The following NCAM2 variants were observed in gnomAD, a reference collection of about 807,000 sequenced individuals.
The protein encoded by NCAM2 is neural cell adhesion molecule 2.
NCAM2 carries 30 observed loss-of-function variants against 98.1 expected under a neutral mutation model. The ratio of observed to expected loss-of-function variants is 0.31; its 90% CI spans 0.23 to 0.41. The LOEUF is 0.41. Among genes scored for constraint, NCAM2 ranks in the 10% least tolerant of loss-of-function variants. The probability of loss-of-function intolerance (pLI) is 1.00; values close to 1 mark genes in which losing one functional copy is unlikely to be tolerated. For missense variants in NCAM2, 867 were observed against 1,005.8 expected (o/e 0.86, Z 1.87); for synonymous variants, 368 against 342.4 (o/e 1.07, Z -0.83).
chr21:21,164,146 T>C (rs2067878205), intron 1 of NCAM2, among the ~76,000 whole-genome samples: 1 of 152,192 alleles, frequency 6.6e-6, no homozygotes, highest in South Asian at 2.1e-4. Flanking sequence ...GTAGCATCCC[T>C]GATCATCCTT....
At chr21:21,136,760 C>G (rs188422747) in intron 1 of NCAM2, among the ~76,000 whole-genome samples, 444 of 151,944 alleles carry the variant, frequency 2.9e-3, no homozygotes, top group Non-Finnish European at 4.2e-3. Context: ...GAGCCCGGCC[C>G]ATTTTATCTC....
chr21:21,401,850 A>T (rs2076637661), intron 9 of NCAM2, among the ~76,000 whole-genome samples: 5 of 152,206 alleles, frequency 3.3e-5, no homozygotes, highest in Admixed American at 3.3e-4. Context: ...TTGTTGCAGG[A>T]AGTCAGGGAC....
chr21:21,479,432 A>C (rs1034045828), intron 15 of NCAM2, among the ~76,000 whole-genome samples: 1 of 151,108 alleles, frequency 6.6e-6, no homozygotes. Context: ...AAACAGAAAA[A>C]AATTAGCCGG....
chr21:21,127,504 AT>A (rs1475701377), intron 1 of NCAM2, among the ~76,000 whole-genome samples: 1 of 151,988 alleles, frequency 6.6e-6, no homozygotes, highest in Non-Finnish European at 1.5e-5. Context: ...ATCTACTATA[AT>A]TTCTCTGTAA....
At chr21:21,425,657 G>A (rs112577590) in intron 11 of NCAM2, among the ~76,000 whole-genome samples, 2,757 of 151,184 alleles carry the variant, frequency 0.018, 94 homozygotes, top group African/African-American at 0.064. Context: ...AAAAAAAAAT[G>A]AAAGAAATTT....
chr21:21,509,479 T>C (rs1460079), intron 16 of NCAM2, among the ~76,000 whole-genome samples: 23,223 of 152,128 alleles, frequency 0.15, 2,822 homozygotes, highest in African/African-American at 0.33. Context: ...TGGCAACTTC[T>C]ACAAACGTAA....
intron 11 of NCAM2, among the ~76,000 whole-genome samples, chr21:21,430,907 G>A (rs530145582): frequency 2.4e-4 from 37 of 151,830 alleles, no homozygotes; most frequent in East Asian, 1.6e-3. Context: ...TTAGCTGGGC[G>A]TGGTGGTGCG....
chr21:21,349,412 C>G (rs1428317877), intron 8 of NCAM2, among the ~76,000 whole-genome samples: 4 of 151,912 alleles, frequency 2.6e-5, no homozygotes, highest in African/African-American at 9.7e-5. Context: ...GGCTTATATC[C>G]AGAAACTATG....
At chr21:21,096,136 G>T (rs1380882889) in intron 1 of NCAM2, among the ~76,000 whole-genome samples, 1 of 151,558 alleles carries the variant, frequency 6.6e-6, no homozygotes, top group Non-Finnish European at 1.5e-5. Flanking sequence ...TAATACTTCG[G>T]ATAATGCCAC....
At chr21:21,205,201 A>G (rs1601641090) in intron 1 of NCAM2, among the ~76,000 whole-genome samples, 1 of 152,228 alleles carries the variant, frequency 6.6e-6, no homozygotes, top group Non-Finnish European at 1.5e-5. Context: ...ATATTTTAAT[A>G]CACAAACTGA....
intron 15 of NCAM2, among the ~76,000 whole-genome samples, chr21:21,501,672 A>T (rs1987646962): frequency 6.8e-6 from 1 of 148,072 alleles, no homozygotes; most frequent in Admixed American, 6.8e-5. Context: ...CAGATGTTTG[A>T]CTTCTTAAGT....
intron 15 of NCAM2, among the ~76,000 whole-genome samples, chr21:21,487,918 CTA>C (rs1986526480): frequency 6.6e-6 from 1 of 152,198 alleles, no homozygotes; most frequent in African/African-American, 2.4e-5. Flanking sequence ...TTTCCTAATA[CTA>C]TAGGTCATTA....
intron 1 of NCAM2, among the ~76,000 whole-genome samples, chr21:21,114,546 T>C (rs941875966): frequency 6.6e-6 from 1 of 152,202 alleles, no homozygotes; most frequent in Non-Finnish European, 1.5e-5. Flanking sequence ...AGTGGAGATG[T>C]CATCTTTGCC....
At chr21:21,087,012 A>G (rs1318525406) in intron 1 of NCAM2, among the ~76,000 whole-genome samples, 1 of 151,638 alleles carries the variant, frequency 6.6e-6, no homozygotes, top group Non-Finnish European at 1.5e-5. Flanking sequence ...CTAACATTGT[A>G]ACCTGTCTTC....
chr21:21,419,271 T>G (rs1680789516), intron 11 of NCAM2, among the ~76,000 whole-genome samples: 1 of 149,542 alleles, frequency 6.7e-6, no homozygotes, highest in Admixed American at 6.7e-5. Flanking sequence ...TCCCTCCAAC[T>G]TAAAAGTGAG....
chr21:21,321,738 G>T (rs1355053234), intron 5 of NCAM2, among the ~76,000 whole-genome samples: 1 of 152,022 alleles, frequency 6.6e-6, no homozygotes, highest in African/African-American at 2.4e-5. Flanking sequence ...CATCCTCAGA[G>T]AAATGTAAAT....
At chr21:21,403,603 T>C (rs2076677750) in intron 9 of NCAM2, among the ~76,000 whole-genome samples, 1 of 152,208 alleles carries the variant, frequency 6.6e-6, no homozygotes, top group Non-Finnish European at 1.5e-5. Context: ...TAAATTTTGA[T>C]ATTATTTTGA....
chr21:21,226,049 C>G (rs765337432), intron 1 of NCAM2, among the ~76,000 whole-genome samples: 1 of 151,878 alleles, frequency 6.6e-6, no homozygotes, highest in African/African-American at 2.4e-5. Context: ...AGCAAATTAA[C>G]GCAGAAACAG....
chr21:21,086,337 G>A (rs1306954054), intron 1 of NCAM2, among the ~76,000 whole-genome samples: 1 of 152,092 alleles, frequency 6.6e-6, no homozygotes, highest in Admixed American at 6.6e-5. Flanking sequence ...TAAATGAAGG[G>A]CATTTTATCC....
Sources: allele counts gnomAD v4.1 joint callset (sites outside exome capture counted in the v4.1 genomes callset), GRCh38; gene constraint gnomAD v4.1.1; transcripts MANE v1.5; gene names NCBI Gene and HGNC (gene_info 2026-07-23, HGNC 2026-07-21).